The following SPAG16 variants were observed in gnomAD, a reference collection of about 807,000 sequenced individuals.
SPAG16 encodes the protein sperm-associated antigen 16 protein.
SPAG16 carries 86 observed loss-of-function variants against 80.4 expected under a neutral mutation model. That is an observed-to-expected ratio of 1.07 (90% CI 0.90 to 1.28). The LOEUF (loss-of-function observed/expected upper bound fraction) is 1.28, where lower values mean the gene tolerates loss of function less well. Ranked by LOEUF, SPAG16 falls within the 50% of genes most tolerant of loss-of-function variation. The pLI is 0.00. For missense variants in SPAG16, 870 were observed against 765.3 expected (o/e 1.14, Z -1.61); for synonymous variants, 294 against 265.9 (o/e 1.11, Z -1.03).
intron 15 of SPAG16, among the ~76,000 whole-genome samples, chr2:214,382,258 C>G (rs1224012183): frequency 6.6e-6 from 1 of 152,188 alleles, no homozygotes; most frequent in Non-Finnish European, 1.5e-5. Context: ...TGACTAAGAA[C>G]TAAATTCCAT....
chr2:213,572,705 T>C (rs2059959704), intron 10 of SPAG16, among the ~76,000 whole-genome samples: 1 of 152,068 alleles, frequency 6.6e-6, no homozygotes. Context: ...GTCTGTGCCC[T>C]GCCCCCAGAG....
chr2:213,422,483 T>A, intron 9 of SPAG16: 1 of 570,342 alleles, frequency 1.8e-6, no homozygotes, highest in African/African-American at 1.9e-5. Flanking sequence ...TTGGCTGGTG[T>A]GGAATCTGGG....
At chr2:214,258,607 G>A (rs73081101) in intron 15 of SPAG16, among the ~76,000 whole-genome samples, 2 of 151,672 alleles carry the variant, frequency 1.3e-5, no homozygotes, top group South Asian at 2.1e-4. Context: ...GTAAACATGC[G>A]GGGGCAAGTG....
intron 15 of SPAG16, among the ~76,000 whole-genome samples, chr2:214,400,785 G>C (rs948628588): frequency 1.3e-5 from 2 of 151,934 alleles, no homozygotes; most frequent in African/African-American, 4.8e-5. Context: ...TTCTAAGTAA[G>C]GTAAACAAAT....
intron 9 of SPAG16, among the ~76,000 whole-genome samples, chr2:213,408,942 G>C (rs903131020): frequency 6.6e-6 from 1 of 152,016 alleles, no homozygotes; most frequent in African/African-American, 2.4e-5. Context: ...AGTGTAACAC[G>C]TATTATCCTA....
chr2:213,497,334 G>T (rs1263454748), intron 10 of SPAG16, among the ~76,000 whole-genome samples: 1 of 151,884 alleles, frequency 6.6e-6, no homozygotes, highest in African/African-American at 2.4e-5. Context: ...ATTTATTTCA[G>T]ATTGTCTTTA....
intron 9 of SPAG16, among the ~76,000 whole-genome samples, chr2:213,422,769 T>C (rs1451828184): frequency 6.6e-6 from 1 of 152,258 alleles, no homozygotes; most frequent in Non-Finnish European, 1.5e-5. Context: ...ATGGAATTAA[T>C]GGTTCCTCTA....
intron 10 of SPAG16, among the ~76,000 whole-genome samples, chr2:213,618,748 T>A (rs563614148): frequency 6.6e-6 from 1 of 151,870 alleles, no homozygotes; most frequent in Non-Finnish European, 1.5e-5. Flanking sequence ...TTAAAAAAAA[T>A]TTAAAAAAAG....
At chr2:214,299,915 C>G (rs1267130060) in intron 15 of SPAG16, among the ~76,000 whole-genome samples, 1 of 152,100 alleles carries the variant, frequency 6.6e-6, no homozygotes, top group Non-Finnish European at 1.5e-5. Flanking sequence ...GGTTCAGTAA[C>G]TTTGTAAAGA....
chr2:214,253,058 CT>C (rs1281714710), intron 15 of SPAG16, among the ~76,000 whole-genome samples: 1 of 145,592 alleles, frequency 6.9e-6, no homozygotes, highest in Non-Finnish European at 1.5e-5. Context: ...TGATGATGAG[CT>C]TTTTTTCATA....
intron 15 of SPAG16, among the ~76,000 whole-genome samples, chr2:214,299,739 G>T (rs990813826): frequency 1.3e-5 from 2 of 152,062 alleles, no homozygotes; most frequent in Non-Finnish European, 2.9e-5. Context: ...TTTTAATAAG[G>T]AATCTCAGGT....
intron 13 of SPAG16, among the ~76,000 whole-genome samples, chr2:214,064,883 A>T (rs998989591): frequency 1.3e-5 from 2 of 152,068 alleles, no homozygotes; most frequent in Non-Finnish European, 2.9e-5. Flanking sequence ...GGTCTATTTA[A>T]TGCAGTTTTT....
chr2:213,444,608 C>G (rs1254980055), intron 9 of SPAG16, among the ~76,000 whole-genome samples: 1 of 152,140 alleles, frequency 6.6e-6, no homozygotes, highest in Non-Finnish European at 1.5e-5. Flanking sequence ...GTTGATTCAT[C>G]TAATCCATGG....
At chr2:214,032,134 T>C (rs947765391) in intron 13 of SPAG16, among the ~76,000 whole-genome samples, 18 of 152,152 alleles carry the variant, frequency 1.2e-4, no homozygotes, top group African/African-American at 4.3e-4. Flanking sequence ...ACCTCCCAAA[T>C]AAATGAACTT....
chr2:213,905,991 T>C (rs2077413964), intron 11 of SPAG16, among the ~76,000 whole-genome samples: 1 of 152,204 alleles, frequency 6.6e-6, no homozygotes, highest in African/African-American at 2.4e-5. Flanking sequence ...AACTTTGAGA[T>C]GAATAAATAA....
chr2:213,594,543 A>G (rs1395232609), intron 10 of SPAG16, among the ~76,000 whole-genome samples: 1 of 151,988 alleles, frequency 6.6e-6, no homozygotes, highest in Non-Finnish European at 1.5e-5. Context: ...CTCTTTCTAT[A>G]CCTGGCAAGC....
Position 214,139,056 on chromosome 2 carries a change from A to G in SPAG16, c.1594-10084A>G, listed in dbSNP as rs191778632. The stretch of plus-strand genomic sequence containing the variant: ...CAACTATAGTCCTAGGGTCAGTGAA[A>G]AGGTTTTCAGGTGTTTAATCATTCT... On this transcript the variant is annotated intron_variant, in intron 14 of 15. Transcript: ENST00000331683. Among the ~76,000 whole-genome samples the G allele has an allele frequency of 1.4e-4, 22 of 152,280 alleles. No homozygotes were observed. In the East Asian group the frequency reaches 2.9e-3, roughly 20 times the overall value.
intron 15 of SPAG16, among the ~76,000 whole-genome samples, chr2:214,330,112 GAAA>G (rs5838429): frequency 1.4e-5 from 2 of 139,914 alleles, no homozygotes; most frequent in Non-Finnish European, 1.5e-5. Flanking sequence ...ACCAAAAATA[GAAA>G]AAAAAAAAAA....
chr2:213,482,475 A>G (rs1337631745), intron 9 of SPAG16, among the ~76,000 whole-genome samples: 1 of 152,164 alleles, frequency 6.6e-6, no homozygotes, highest in African/African-American at 2.4e-5. Flanking sequence ...GATTATAAGC[A>G]TTTTCTTATT....
Sources: gnomAD v4.1 joint callset for allele counts (sites outside exome capture counted in the v4.1 genomes callset) on GRCh38, gnomAD v4.1.1 for gene constraint, MANE v1.5 for transcripts, NCBI Gene and HGNC (gene_info 2026-07-23, HGNC 2026-07-21) for gene names.